Variants in HMGN5 observed in about 807,000 individuals in gnomAD.
HMGN5 encodes high mobility group nucleosome binding domain 5, also known as high mobility group nucleosome-binding domain-containing protein 5.
A neutral mutation model predicts 9.5 loss-of-function variants in HMGN5; 4 were observed. The ratio of observed to expected loss-of-function variants is 0.42; its 90% CI spans 0.21 to 0.96. HMGN5 has a LOEUF of 0.96. HMGN5 is among the 40% of genes least tolerant of loss of function. HMGN5 has a pLI of 0.30. For missense variants in HMGN5, 192 were observed against 187.5 expected, an observed-to-expected ratio of 1.02 and a Z score of -0.14; for synonymous variants, 55 against 57.1, an observed-to-expected ratio of 0.96 and a Z score of 0.16.
intron 1 of HMGN5, among the ~76,000 whole-genome samples, chrX:81,198,092 G>C (rs756686873): frequency 1.9e-4 from 21 of 111,586 alleles, no homozygotes; most frequent in Non-Finnish European, 2.8e-4. Flanking sequence ...GATTGCAGCA[G>C]GTAGTCAACA....
intron 1 of HMGN5, among the ~76,000 whole-genome samples, chrX:81,180,633 A>T (rs959927507): frequency 3.6e-5 from 4 of 111,942 alleles, no homozygotes; most frequent in African/African-American, 1.3e-4. Context: ...ATTGTGGAAG[A>T]CAGTGTGGTG....
At chrX:81,198,795 G>A (rs1027288301) in intron 1 of HMGN5, among the ~76,000 whole-genome samples, 5 of 111,782 alleles carry the variant, frequency 4.5e-5, no homozygotes, top group Middle Eastern at 4.6e-3. Flanking sequence ...AAAACTGGAA[G>A]CATTCCCTTT....
chrX:81,183,854 C>T (rs888053812), intron 1 of HMGN5, among the ~76,000 whole-genome samples: 1 of 103,002 alleles, frequency 9.7e-6, no homozygotes, highest in Non-Finnish European at 2.0e-5. Context: ...CCTTTTGAAA[C>T]AGGAGTGCTT....
intron 1 of HMGN5, among the ~76,000 whole-genome samples, chrX:81,125,933 A>G (rs1186729905): frequency 1.8e-5 from 2 of 110,550 alleles, no homozygotes; most frequent in Non-Finnish European, 3.8e-5. Flanking sequence ...GGATCACCTG[A>G]GGTGAAGAGT....
At chrX:81,166,564 T>A (rs986763762) in intron 1 of HMGN5, among the ~76,000 whole-genome samples, 3 of 111,412 alleles carry the variant, frequency 2.7e-5, no homozygotes, top group Admixed American at 9.6e-5. Flanking sequence ...TAAAAGGATA[T>A]GTCAGTGGAA....
intron 1 of HMGN5, among the ~76,000 whole-genome samples, chrX:81,160,836 T>A (rs2075396103): frequency 9.0e-6 from 1 of 111,540 alleles, no homozygotes; most frequent in Admixed American, 9.6e-5. Flanking sequence ...GCAGACTTTT[T>A]GAGTGGACAT....
intron 1 of HMGN5, among the ~76,000 whole-genome samples, chrX:81,171,213 C>T (rs1435430121): frequency 2.7e-5 from 3 of 111,593 alleles, no homozygotes; most frequent in African/African-American, 6.5e-5. Flanking sequence ...CATATGAGAG[C>T]TTGGGATTTT....
chrX:81,155,075 GTATATATA>G lies in HMGN5; in HGVS notation c.-123-33411_-123-33404del, dbSNP rs761895749. On this transcript the variant is annotated intron_variant, in intron 1 of 6. Coordinates refer to ENST00000358130, the MANE Select transcript of HMGN5 (RefSeq NM_030763.3). The stretch of plus-strand genomic sequence containing the variant: ...AAAGAAAGGATATCAGTATATATCA[GTATATATA>G]TATATATATATATATATATACACAC... 2.1e-3 allele frequency among the ~76,000 whole-genome samples: 144 copies of G among 68,944 alleles called. 1 individual carries two copies. Among genetic ancestry groups the G allele is most frequent in the African/African-American group, 7.2e-3 (132 of 18,254 alleles). The allele number at this position is 68,944 out of a possible 115,157, so 59.9% of individuals were successfully genotyped here. A position where few individuals can be genotyped will look rare whatever the true frequency, so the allele number is the denominator to read the frequency against.
chrX:81,167,489 T>C (rs1454802630), intron 1 of HMGN5, among the ~76,000 whole-genome samples: 1 of 110,849 alleles, frequency 9.0e-6, no homozygotes, highest in African/African-American at 3.3e-5. Context: ...CACACAAACA[T>C]ATAACTGAAG....
intron 1 of HMGN5, among the ~76,000 whole-genome samples, chrX:81,183,433 A>T (rs2075468448): frequency 1.0e-5 from 1 of 99,472 alleles, no homozygotes. Context: ...TGCTTTCTGT[A>T]TCCCAGCTGC....
rs756078819 is a variant in HMGN5 at position 81,148,278 on chromosome X, C to G, written c.-123-26606G>C. Reference sequence around the variant, plus strand: ...AAACAGCATGGTACTGGTACCAAAACAGATATATAGACCAATGGAACAGAA... The same window carrying G: ...AAACAGCATGGTACTGGTACCAAAAGAGATATATAGACCAATGGAACAGAA... On this transcript the variant is annotated intron_variant, in intron 1 of 6. Coordinates refer to ENST00000358130, the MANE Select transcript of HMGN5 (RefSeq NM_030763.3). 6.3e-5 allele frequency among the ~76,000 whole-genome samples: 7 copies of G among 111,965 alleles called. No homozygotes were observed. In the Admixed American group the frequency reaches 6.6e-4, roughly 11 times the overall value.
At chrX:81,146,373 G>A (rs763904405) in intron 1 of HMGN5, among the ~76,000 whole-genome samples, 6 of 111,412 alleles carry the variant, frequency 5.4e-5, no homozygotes, top group African/African-American at 1.6e-4. Flanking sequence ...ACATGGAAAC[G>A]GAACAACCAG....
At chrX:81,169,242 A>G (rs2147633771) in intron 1 of HMGN5, among the ~76,000 whole-genome samples, 1 of 111,891 alleles carries the variant, frequency 8.9e-6, no homozygotes, top group Non-Finnish European at 1.9e-5. Context: ...GTGATTTGGT[A>G]TGTGAGAATC....
intron 2 of HMGN5, among the ~76,000 whole-genome samples, chrX:81,120,184 G>C (rs2075264946): frequency 8.9e-6 from 1 of 111,822 alleles, no homozygotes; most frequent in Admixed American, 9.5e-5. Context: ...ATGCAATTTC[G>C]CTTTCTTGCC....
At chrX:81,123,072 T>A (rs752395029) in intron 1 of HMGN5, among the ~76,000 whole-genome samples, 6 of 111,288 alleles carry the variant, frequency 5.4e-5, no homozygotes, top group African/African-American at 1.3e-4. Context: ...GGTTAAAAAA[T>A]TTGGAATAAT....
intron 1 of HMGN5, among the ~76,000 whole-genome samples, chrX:81,188,811 C>T (rs757024896): frequency 1.8e-5 from 2 of 110,980 alleles, no homozygotes; most frequent in Non-Finnish European, 3.8e-5. Context: ...TGAACTCATC[C>T]TTTTTTATGG....
Position 81,182,571 on chromosome X carries a change from T to G in HMGN5, c.-124+19166A>C, listed in dbSNP as rs747547498. ...GTGGCACCCCCCACCCCAAGCTTCC[T>G]TGGTCTTGCTCCTGCCATGTAAGAC... On this transcript the variant is annotated intron_variant, in intron 1 of 6. Transcript: ENST00000358130. Among the ~76,000 whole-genome samples, 3 of 112,043 alleles carry G rather than the reference T, an allele frequency of 2.7e-5. No homozygotes were observed. In the South Asian group the frequency reaches 1.1e-3, roughly 42 times the overall value.
chrX:81,152,192 T>G (rs2075365026), intron 1 of HMGN5, among the ~76,000 whole-genome samples: 1 of 111,317 alleles, frequency 9.0e-6, no homozygotes, highest in Non-Finnish European at 1.9e-5. Context: ...GAAACTACCA[T>G]CAGAGTGGAC....
At chrX:81,140,574 A>G (rs1476702674) in intron 1 of HMGN5, among the ~76,000 whole-genome samples, 1 of 106,602 alleles carries the variant, frequency 9.4e-6, no homozygotes, top group Non-Finnish European at 1.9e-5. Context: ...AAAAAAAAAA[A>G]AAAAAAAAAA....
Sources: gnomAD v4.1 joint callset for allele counts (sites outside exome capture counted in the v4.1 genomes callset) on GRCh38, gnomAD v4.1.1 for gene constraint, MANE v1.5 for transcripts, NCBI Gene and HGNC (gene_info 2026-07-23, HGNC 2026-07-21) for gene names.